AGTPBP1: variants seen among roughly 807,000 people sequenced by gnomAD.
AGTPBP1 encodes cytosolic carboxypeptidase 1.
Under a neutral mutation model 143.9 loss-of-function variants are expected in AGTPBP1, and 70 were observed. The ratio of observed to expected loss-of-function variants is 0.49; its 90% CI spans 0.40 to 0.59. AGTPBP1 has a LOEUF of 0.59. Among genes scored for constraint, AGTPBP1 ranks in the 20% least tolerant of loss-of-function variants. The pLI, the probability that AGTPBP1 is intolerant of heterozygous loss-of-function variation, is 0.00. For synonymous variants in AGTPBP1, 463 were observed against 500.2 expected (o/e 0.93, Z 0.99); for missense variants, 1,229 against 1,464.5 (o/e 0.84, Z 2.62).
At chr9:85,627,315 C>CCTG (rs1185006414) in intron 14 of AGTPBP1, among the ~76,000 whole-genome samples, 1 of 152,098 alleles carries the variant, frequency 6.6e-6, no homozygotes, top group Non-Finnish European at 1.5e-5. Flanking sequence ...CAGAGAGCAT[C>CCTG]CTGCCCTGCC....
At chr9:85,694,069 A>AG (rs72604162) in intron 2 of AGTPBP1, among the ~76,000 whole-genome samples, 37,592 of 152,070 alleles carry the variant, frequency 0.25, 5,278 homozygotes, top group East Asian at 0.53. Flanking sequence ...GAGAGAACAG[A>AG]GAAAAATAGC....
At chr9:85,777,441 G>A in the AGTPBP1 span, among the ~76,000 whole-genome samples, 1 of 152,226 alleles carries the variant, frequency 6.6e-6, no homozygotes, top group Non-Finnish European at 1.5e-5. Context: ...ACTCAGCAGT[G>A]GCCGTAGCCA....
At chr9:85,636,370 T>G (rs528533022) in intron 13 of AGTPBP1, among the ~76,000 whole-genome samples, 46 of 150,576 alleles carry the variant, frequency 3.1e-4, no homozygotes, top group African/African-American at 1.1e-3. Context: ...CAAGCAATTC[T>G]CTCTGCCTTA....
chr9:85,738,533 A>G (rs1390972343), intron 1 of AGTPBP1, among the ~76,000 whole-genome samples: 1 of 152,232 alleles, frequency 6.6e-6, no homozygotes, highest in South Asian at 2.1e-4. Context: ...ATTTTGACAG[A>G]TCACATTTTT....
chr9:85,803,598 A>C, the AGTPBP1 span, among the ~76,000 whole-genome samples: 1 of 152,120 alleles, frequency 6.6e-6, no homozygotes, highest in Non-Finnish European at 1.5e-5. Context: ...CCACGTTTTG[A>C]GCAGCGAGAC....
At chr9:85,681,712 T>C (rs989149455) in intron 3 of AGTPBP1, among the ~76,000 whole-genome samples, 2 of 149,630 alleles carry the variant, frequency 1.3e-5, no homozygotes, top group Non-Finnish European at 3.0e-5. Flanking sequence ...AAAAACCTAC[T>C]ACCATTTTCC....
chr9:85,687,907 C>A (rs1354368335), intron 3 of AGTPBP1, among the ~76,000 whole-genome samples: 1 of 151,130 alleles, frequency 6.6e-6, no homozygotes, highest in Non-Finnish European at 1.5e-5. Context: ...CTGGCTAACA[C>A]GGTGAAACCC....
chr9:85,604,305 G>T (rs1829859289), intron 17 of AGTPBP1, among the ~76,000 whole-genome samples: 1 of 152,236 alleles, frequency 6.6e-6, no homozygotes, highest in Non-Finnish European at 1.5e-5. Context: ...AGTAAATGAA[G>T]AGAACAAGAG....
At chr9:85,775,535 AGATATATAAAATATATAG>A in the AGTPBP1 span, among the ~76,000 whole-genome samples, 34 of 147,522 alleles carry the variant, frequency 2.3e-4, no homozygotes, top group African/African-American at 5.4e-4. Context: ...ATATATATAT[AGATATATAAAATATATAG>A]GATATATAAA....
Position 85,677,527 on chromosome 9 carries a change from C to A in AGTPBP1, c.345G>T (p.Leu115Phe), listed in dbSNP as rs1427362669. ...CTTTGCTGGCATTCATAAGTAACTG[C>A]AACAATATTTGTGAACCACCTTTGG... ...LVTKGGSQIL[L>F]QLLMNASKES... Residue 115 changes from leucine (L) to phenylalanine (F), a missense_variant, in exon 6 of 26, where the codon TTG (leucine) becomes TTT (phenylalanine). By Grantham distance (22) the Leu-to-Phe change is conservative. This residue lies in a region of AGTPBP1 where 743 missense variants were observed against 812.2 expected (regional missense o/e 0.91). Transcript: ENST00000357081. 5 of 1,600,676 alleles carry A rather than the reference C, an allele frequency of 3.1e-6. No individual in the cohort carries two copies. Among genetic ancestry groups the A allele is most frequent in the Non-Finnish European group, 4.3e-6 (5 of 1,173,806 alleles).
At chr9:85,678,708 G>A (rs1004387554) in intron 4 of AGTPBP1, among the ~76,000 whole-genome samples, 1 of 152,184 alleles carries the variant, frequency 6.6e-6, no homozygotes, top group Non-Finnish European at 1.5e-5. Flanking sequence ...GCATTACAAT[G>A]TATGTCTGGT....
Position 85,678,375 on chromosome 9 carries a change from T to C in AGTPBP1, c.249A>G (p.Thr83=), listed in dbSNP as rs368207997. Residue 83 remains threonine (T), a synonymous_variant, in exon 5 of 26, where the codon ACA becomes ACG. Coordinates refer to ENST00000357081, the MANE Select transcript of AGTPBP1 (RefSeq NM_001330701.2). The part of the protein sequence containing the change: ...TLENTKDLQT[T]LNILSILVEL... ...CAACAAGAATGCTTAAGATATTAAG[T>C]GTAGTTTGAAGATCTTTTGTGTTCT... The C allele has an allele frequency of 3.1e-6, 5 of 1,592,044 alleles. No homozygotes were observed. In the African/African-American group the frequency reaches 4.0e-5, roughly 13 times the overall value.
At chr9:85,609,569 C>A (rs1335879063) in intron 17 of AGTPBP1, among the ~76,000 whole-genome samples, 2 of 152,158 alleles carry the variant, frequency 1.3e-5, no homozygotes, top group South Asian at 2.1e-4. Flanking sequence ...ACGTGAGCCA[C>A]CGCGCCCGGC....
chr9:85,580,481 C>A (rs1285429001), intron 23 of AGTPBP1, among the ~76,000 whole-genome samples: 1 of 151,392 alleles, frequency 6.6e-6, no homozygotes, highest in Non-Finnish European at 1.5e-5. Context: ...CATTATATGA[C>A]CTGAACAAAA....
intron 17 of AGTPBP1, among the ~76,000 whole-genome samples, chr9:85,615,258 G>A (rs1830543044): frequency 6.6e-6 from 1 of 152,032 alleles, no homozygotes; most frequent in South Asian, 2.1e-4. Context: ...CAGCACTGTA[G>A]TACCCATTTT....
At chr9:85,786,380 C>T in the AGTPBP1 span, 23 of 1,613,970 alleles carry the variant, frequency 1.4e-5, no homozygotes, top group East Asian at 2.5e-4. Context: ...AAATCTCAGT[C>T]GACTGTCATC....
At chr9:85,615,538 T>G (rs1239895359) in intron 17 of AGTPBP1, among the ~76,000 whole-genome samples, 1 of 152,088 alleles carries the variant, frequency 6.6e-6, no homozygotes, top group Non-Finnish European at 1.5e-5. Context: ...TTACAAATTA[T>G]TGTACAGTTT....
At chr9:85,603,557 T>C (rs527795191) in intron 17 of AGTPBP1, among the ~76,000 whole-genome samples, 10 of 152,308 alleles carry the variant, frequency 6.6e-5, no homozygotes, top group Non-Finnish European at 1.0e-4. Context: ...CATAGAGCCA[T>C]GCTGGCTTCA....
At chr9:85,580,214 G>A (rs111859163) in intron 23 of AGTPBP1, among the ~76,000 whole-genome samples, 5 of 148,354 alleles carry the variant, frequency 3.4e-5, no homozygotes, top group African/African-American at 5.0e-5. Flanking sequence ...TCCAGCCTGG[G>A]CAACAAGGGT....
Sources: allele counts gnomAD v4.1 joint callset (sites outside exome capture counted in the v4.1 genomes callset), GRCh38; gene constraint gnomAD v4.1.1; regional missense constraint gnomAD v4.1.1; transcripts MANE v1.5; gene names NCBI Gene and HGNC (gene_info 2026-07-23, HGNC 2026-07-21).